The following KCNJ6 variants were observed in gnomAD, a reference collection of about 807,000 sequenced individuals.
The protein encoded by KCNJ6 is G protein-activated inward rectifier potassium channel 2.
KCNJ6 carries 9 observed loss-of-function variants against 34.2 expected under a neutral mutation model. That is an observed-to-expected ratio of 0.26 (90% CI 0.16 to 0.46). The LOEUF (loss-of-function observed/expected upper bound fraction) is 0.46. Ranked by LOEUF, KCNJ6 falls within the 20% of genes least tolerant of loss-of-function variation. The probability of loss-of-function intolerance (pLI) is 1.00; values close to 1 mark genes in which losing one functional copy is unlikely to be tolerated. For synonymous variants in KCNJ6, 196 were observed against 207.1 expected, an observed-to-expected ratio of 0.95 and a Z score of 0.46; for missense variants, 236 against 531.3, an observed-to-expected ratio of 0.44 and a Z score of 5.46.
chr21:37,615,759 G>C lies in KCNJ6; in HGVS notation c.*9400C>G, dbSNP rs974735490. ...GCTTATTAAAACACTCCCTGTTCTG[G>C]ACCAATCTTAATCTTCTAGGCAGAA... On this transcript the variant is annotated 3_prime_UTR_variant, in exon 4 of 4. Transcript: ENST00000609713. 2 of 152,094 alleles carry C rather than the reference G, an allele frequency of 1.3e-5. No individual in the cohort carries two copies. The highest frequency in any genetic ancestry group is 4.8e-5 in the African/African-American group (2 of 41,398). 9.4% of individuals were successfully genotyped at this position (152,094 alleles called of 1,614,324 possible).
intron 2 of KCNJ6, chr21:37,717,287 T>A (rs2054797093): frequency 6.5e-6 from 1 of 152,932 alleles, no homozygotes; most frequent in East Asian, 1.9e-4. Context: ...AGGATAGGTG[T>A]TGATGGGGGG....
At chr21:37,844,752 A>G (rs1322078706) in intron 1 of KCNJ6, among the ~76,000 whole-genome samples, 1 of 152,150 alleles carries the variant, frequency 6.6e-6, no homozygotes, top group Non-Finnish European at 1.5e-5. Context: ...GGCACCAACC[A>G]GTCTCTGCTG....
intron 3 of KCNJ6, among the ~76,000 whole-genome samples, chr21:37,699,818 T>C (rs534813214): frequency 1.3e-5 from 2 of 152,352 alleles, no homozygotes; most frequent in Non-Finnish European, 2.9e-5. Flanking sequence ...GTTTATAAGA[T>C]GTGTGGTGAA....
rs78443969 is a variant in KCNJ6 at position 37,685,706 on chromosome 21, A to AAAAAAAAAAAG, written c.946+28504_946+28505insCTTTTTTTTTT. 5.0e-3 allele frequency among the ~76,000 whole-genome samples: 257 copies of AAAAAAAAAAAG among 51,030 alleles called. 88 individuals are homozygous for AAAAAAAAAAAG. The highest frequency in any genetic ancestry group is 0.013 in the African/African-American group (239 of 18,050). The allele number at this position is 51,030 out of a possible 152,430, so 33.5% of individuals were successfully genotyped here. On this transcript the variant is annotated intron_variant, in intron 3 of 3. Coordinates refer to ENST00000609713, the MANE Select transcript of KCNJ6 (RefSeq NM_002240.5). ...CAAAAAAAAAAAAAAAAAAAAAAAAAAATCTATCCTATGGATATCAGAGGT... is the reference window on the plus strand; with the variant it reads ...CAAAAAAAAAAAAAAAAAAAAAAAAAAAAAAAAAAAGAATCTATCCTATGGATATCAGAGGT...
intron 2 of KCNJ6, among the ~76,000 whole-genome samples, chr21:37,819,439 T>C (rs972443983): frequency 1.5e-4 from 23 of 152,264 alleles, no homozygotes; most frequent in African/African-American, 5.5e-4. Flanking sequence ...GGGAATACAA[T>C]TTGAGAATGC....
chr21:37,761,914 C>A (rs1007330098), intron 2 of KCNJ6, among the ~76,000 whole-genome samples: 1 of 152,112 alleles, frequency 6.6e-6, no homozygotes, highest in South Asian at 2.1e-4. Flanking sequence ...ACTTTCCACA[C>A]CTTTTGCCCC....
chr21:37,723,496 AAG>A (rs1439676265), intron 2 of KCNJ6, among the ~76,000 whole-genome samples: 1 of 152,210 alleles, frequency 6.6e-6, no homozygotes, highest in African/African-American at 2.4e-5. Context: ...ATTATTCACA[AAG>A]AGTAAAGACA....
intron 3 of KCNJ6, among the ~76,000 whole-genome samples, chr21:37,657,368 T>C (rs896482595): frequency 7.9e-5 from 12 of 152,086 alleles, no homozygotes; most frequent in African/African-American, 2.9e-4. Context: ...GGGGGCCCCA[T>C]TTGTGCTCTT....
intron 2 of KCNJ6, among the ~76,000 whole-genome samples, chr21:37,811,217 T>C (rs2055320972): frequency 6.6e-6 from 1 of 152,222 alleles, no homozygotes; most frequent in Non-Finnish European, 1.5e-5. Context: ...ACCCCTGCTC[T>C]CAGACCTTTC....
chr21:37,830,359 C>A (rs2055419764), intron 2 of KCNJ6, among the ~76,000 whole-genome samples: 1 of 152,114 alleles, frequency 6.6e-6, no homozygotes, highest in African/African-American at 2.4e-5. Flanking sequence ...GAATAAATGC[C>A]TGGGTCTGTT....
At chr21:37,782,360 T>C (rs1465915218) in intron 2 of KCNJ6, among the ~76,000 whole-genome samples, 1 of 152,206 alleles carries the variant, frequency 6.6e-6, no homozygotes, top group Non-Finnish European at 1.5e-5. Flanking sequence ...CAGTTTGTTA[T>C]AGCATCAGCA....
At chr21:37,669,007 A>G (rs941296396) in intron 3 of KCNJ6, among the ~76,000 whole-genome samples, 4 of 152,152 alleles carry the variant, frequency 2.6e-5, no homozygotes, top group African/African-American at 9.7e-5. Context: ...CCTTTAAAAG[A>G]TCTAAATAGG....
chr21:37,652,892 A>G (rs574809038), intron 3 of KCNJ6, among the ~76,000 whole-genome samples: 17 of 152,304 alleles, frequency 1.1e-4, no homozygotes, highest in Non-Finnish European at 1.8e-4. Flanking sequence ...GATGTTTTCA[A>G]TTTCCTGAGT....
intron 1 of KCNJ6, among the ~76,000 whole-genome samples, chr21:37,841,275 T>G (rs1166685457): frequency 6.6e-6 from 1 of 152,180 alleles, no homozygotes. Context: ...CCCACTGAGT[T>G]TGAAAGCCAG....
chr21:37,765,967 G>A (rs1221223598), intron 2 of KCNJ6, among the ~76,000 whole-genome samples: 1 of 152,124 alleles, frequency 6.6e-6, no homozygotes, highest in Non-Finnish European at 1.5e-5. Context: ...TTGCATATTT[G>A]TAAGTTGAGT....
At chr21:37,764,533 C>T (rs1469913902) in intron 2 of KCNJ6, among the ~76,000 whole-genome samples, 4 of 152,164 alleles carry the variant, frequency 2.6e-5, no homozygotes, top group African/African-American at 9.7e-5. Context: ...CGTGCGCCAC[C>T]ATGCCTAGCT....
intron 1 of KCNJ6, among the ~76,000 whole-genome samples, chr21:37,853,033 G>GGGT (rs1335251487): frequency 1.3e-5 from 2 of 151,754 alleles, no homozygotes; most frequent in Non-Finnish European, 2.9e-5. Context: ...GGAACATGTG[G>GGGT]GGTTGTAACA....
At chr21:37,803,951 T>C (rs2055281629) in intron 2 of KCNJ6, among the ~76,000 whole-genome samples, 2 of 152,122 alleles carry the variant, frequency 1.3e-5, no homozygotes, top group South Asian at 2.1e-4. Context: ...TGCCCTTCGC[T>C]TCTATCCAAG....
intron 3 of KCNJ6, among the ~76,000 whole-genome samples, chr21:37,703,614 A>G (rs858001): frequency 0.98 from 148,849 of 152,266 alleles, 72,789 homozygotes; most frequent in East Asian, 1. Flanking sequence ...GGTGAGACAT[A>G]TGACAGGTAC....
Sources: gnomAD v4.1 joint callset for allele counts (sites outside exome capture counted in the v4.1 genomes callset) on GRCh38, gnomAD v4.1.1 for gene constraint, MANE v1.5 for transcripts, NCBI Gene and HGNC (gene_info 2026-07-23, HGNC 2026-07-21) for gene names.